Variants in ZNF26 observed in about 807,000 individuals in gnomAD.
ZNF26 encodes the protein epididymis luminal protein 179.
ZNF26 carries 32 observed loss-of-function variants against 54.9 expected under a neutral mutation model. That is an observed-to-expected ratio of 0.58 (90% confidence interval 0.44 to 0.78). The LOEUF (loss-of-function observed/expected upper bound fraction) is 0.78, where lower values mean the gene tolerates loss of function less well. Among genes scored for constraint, ZNF26 ranks in the 30% least tolerant of loss-of-function variants. The pLI, the probability that ZNF26 is intolerant of heterozygous loss-of-function variation, is 0.00. For synonymous variants in ZNF26, 221 were observed against 209.2 expected, an observed-to-expected ratio of 1.06 and a Z score of -0.49; for missense variants, 524 against 634.0, an observed-to-expected ratio of 0.83 and a Z score of 1.86.
chr12:132,992,880 C>A (rs1952993695), intron 1 of ZNF26, among the ~76,000 whole-genome samples: 1 of 149,230 alleles, frequency 6.7e-6, no homozygotes, highest in Non-Finnish European at 1.5e-5. Context: ...TTTTTTTTTT[C>A]CCCAGTGTTC....
chr12:132,988,967 A>G (rs999725908), intron 1 of ZNF26, among the ~76,000 whole-genome samples: 19 of 147,012 alleles, frequency 1.3e-4, no homozygotes, highest in South Asian at 2.2e-4. Flanking sequence ...TGACTTTTGT[A>G]TATTAACTTT....
In ZNF26 at chr12:133,001,786, C is replaced by G. The variant is rs2137239108; in HGVS notation, c.34-5256C>G. 9.4e-7 allele frequency: 1 copy of G among 1,068,750 alleles called. No homozygotes were observed. Among genetic ancestry groups the G allele is most frequent in the East Asian group, 5.9e-5 (1 of 16,960 alleles). 66.2% of individuals were successfully genotyped at this position (1,068,750 alleles called of 1,614,324 possible). A position where few individuals can be genotyped will look rare whatever the true frequency, so the allele number is the denominator to read the frequency against. On this transcript the variant is annotated intron_variant, in intron 1 of 3. Coordinates refer to ENST00000328654, the MANE Select transcript of ZNF26 (RefSeq NM_019591.4). This position sits in a 1 kb window ranked among gnomAD's most constrained non-coding sequence, Gnocchi z 4.7. Reference sequence around the variant, plus strand: ...GAGGTGAGCTGCTGAACCCTCACTCCCCAGCTGCCTTTTGAGAGTCCCGCG... The same window carrying G: ...GAGGTGAGCTGCTGAACCCTCACTCGCCAGCTGCCTTTTGAGAGTCCCGCG...
At chr12:132,997,549 C>T (rs1953114378) in intron 1 of ZNF26, among the ~76,000 whole-genome samples, 1 of 152,194 alleles carries the variant, frequency 6.6e-6, no homozygotes, top group Non-Finnish European at 1.5e-5. Context: ...CCCAGTCCAG[C>T]TTTTCTATCT....
Position 132,986,652 on chromosome 12 carries a change from C to G in ZNF26, c.-189C>G, listed in dbSNP as rs1593624193. ...CCTGGTACCCAGACCGGGAGGTTGTCTAGTCACGCGCGGTCTGTGTTGGGC... is the reference window on the plus strand; with the variant it reads ...CCTGGTACCCAGACCGGGAGGTTGTGTAGTCACGCGCGGTCTGTGTTGGGC... On this transcript the variant is annotated 5_prime_UTR_variant, in exon 1 of 4. Coordinates refer to ENST00000328654, the MANE Select transcript of ZNF26 (RefSeq NM_019591.4). The G allele has an allele frequency of 3.3e-6, 2 of 609,032 alleles. No individual in the cohort carries two copies. Among genetic ancestry groups the G allele is most frequent in the East Asian group, 5.5e-5 (2 of 36,184 alleles). The allele number at this position is 609,032 out of a possible 1,614,324, so 37.7% of individuals were successfully genotyped here. A position where few individuals can be genotyped will look rare whatever the true frequency, so the allele number is the denominator to read the frequency against.
chr12:133,011,159 A>T lies in ZNF26; in HGVS notation c.1280A>T (p.Glu427Val). ...ACACACACCGGAGAGAGACCCTATG[A>T]ATGTAGTTTGTGTGAGAGAGCCTTT... is the stretch of plus-strand genomic sequence containing the variant. ...RRTHTGERPY[E>V]CSLCERAFCG... Residue 427 changes from glutamate (E) to valine (V), a missense_variant, in exon 4 of 4, where the codon GAA becomes GTA. By Grantham distance (121) the Glu-to-Val change is moderately radical. Coordinates refer to ENST00000328654, the MANE Select transcript of ZNF26 (RefSeq NM_019591.4). 1 of 1,614,134 alleles carries T rather than the reference A, an allele frequency of 6.2e-7. No individual in the cohort carries two copies. The highest frequency in any genetic ancestry group is 1.1e-5 in the South Asian group (1 of 91,072).
At chr12:132,997,235 G>A (rs1425184071) in intron 1 of ZNF26, among the ~76,000 whole-genome samples, 43 of 152,120 alleles carry the variant, frequency 2.8e-4, no homozygotes, top group Admixed American at 2.8e-3. Flanking sequence ...CTTCCAAGAT[G>A]GAGTCCAGAA....
At chr12:132,994,979 G>A (rs983126290) in intron 1 of ZNF26, among the ~76,000 whole-genome samples, 9 of 151,840 alleles carry the variant, frequency 5.9e-5, no homozygotes, top group African/African-American at 1.9e-4. Context: ...AAATGCCCCC[G>A]GGGGGGCAAA....
At position 133,011,299 on chromosome 12, in the gene ZNF26, A is replaced by G; in HGVS notation, c.1420A>G (p.Lys474Glu). ...PRKASLQIHQKTHSGEKPFKC... is the reference protein window; with the variant it reads ...PRKASLQIHQETHSGEKPFKC... ...GAAGGCATCACTTCAGATACACCAG[A>G]AAACTCATTCGGGAGAGAAACCTTT... The change falls in exon 4 of 4, where the codon AAA becomes GAA. Residue 474 changes from lysine to glutamate, a missense_variant. Physicochemically the swap from Lys to Glu is moderately conservative, Grantham distance 56. Transcript: ENST00000328654. 6.2e-7 allele frequency: 1 copy of G among 1,614,020 alleles called. No individual in the cohort carries two copies. The highest frequency in any genetic ancestry group is 8.5e-7 in the Non-Finnish European group (1 of 1,179,948).
intron 1 of ZNF26, chr12:133,004,529 A>G (rs1024327022): frequency 6.6e-6 from 1 of 151,916 alleles, no homozygotes; most frequent in Non-Finnish European, 1.5e-5. Context: ...TCTGTTGCCC[A>G]GTGTAAAGTG....
chr12:132,997,568 C>G (rs1243531505), intron 1 of ZNF26, among the ~76,000 whole-genome samples: 1 of 152,208 alleles, frequency 6.6e-6, no homozygotes, highest in Non-Finnish European at 1.5e-5. Context: ...CTTATGCGCC[C>G]TCCCCTGAAC....
rs1953629319 is a variant in ZNF26 at position 133,020,735 on chromosome 12, A to G, written c.*9254A>G. 6.6e-6 allele frequency: 1 copy of G among 152,212 alleles called. No homozygotes were observed. Among genetic ancestry groups the G allele is most frequent in the Admixed American group, 6.5e-5 (1 of 15,276 alleles). 9.4% of individuals were successfully genotyped at this position (152,212 alleles called of 1,614,324 possible). ...ATTGTCTTACTGTTCTGGAGCCTCC[A>G]TGTTTGAAATCAAGGCATTGACAGG... On this transcript the variant is annotated 3_prime_UTR_variant, in exon 4 of 4. Coordinates refer to ENST00000328654, the MANE Select transcript of ZNF26 (RefSeq NM_019591.4).
chr12:133,010,037 A>G, intron 3 of ZNF26, 99 bp from the exon 4 acceptor site: 1 of 1,283,270 alleles, frequency 7.8e-7, no homozygotes, highest in Non-Finnish European at 1.0e-6. Context: ...TTGTTACCAA[A>G]AGAGAAAGGT....
In ZNF26 at chr12:133,018,668, G is replaced by T. The variant is rs1403668404; in HGVS notation, c.*7187G>T. On this transcript the variant is annotated 3_prime_UTR_variant, in exon 4 of 4. Transcript: ENST00000328654. ...TCAATAATAACTTTTTTTTAAGAGG[G>T]TCTTGCTCTATTGCCCAGGCTGGAG... 6.6e-6 allele frequency: 1 copy of T among 152,020 alleles called. No individual in the cohort carries two copies. The highest frequency in any genetic ancestry group is 1.5e-5 in the Non-Finnish European group (1 of 68,016). The allele number at this position is 152,020 out of a possible 1,614,324, so 9.4% of individuals were successfully genotyped here.
chr12:133,004,370 A>T (rs2137245396), intron 1 of ZNF26: 1 of 152,294 alleles, frequency 6.6e-6, no homozygotes, highest in East Asian at 1.9e-4. Flanking sequence ...AGCTGATTAT[A>T]ATTTTAGTTC....
At chr12:133,000,903 A>C (rs1953204056) in intron 1 of ZNF26, among the ~76,000 whole-genome samples, 1 of 152,194 alleles carries the variant, frequency 6.6e-6, no homozygotes, top group Non-Finnish European at 1.5e-5. Context: ...AAAGGCTTTA[A>C]ATAAAATAGA....
intron 1 of ZNF26, among the ~76,000 whole-genome samples, chr12:132,992,160 G>A (rs1451661385): frequency 6.6e-6 from 1 of 151,612 alleles, no homozygotes; most frequent in Admixed American, 6.6e-5. Context: ...AAAAAAAAAA[G>A]TGTATCTGTG....
chr12:133,022,487 G>GTA lies in ZNF26; in HGVS notation c.*11009_*11010dup, dbSNP rs1953657688. On this transcript the variant is annotated 3_prime_UTR_variant, in exon 4 of 4. Transcript: ENST00000328654. ...AGAACTTAATATACACACATACAAA[G>GTA]TATAAGTAAAACTGGGGAAATGTTA... 1 of 116,032 alleles carries GTA rather than the reference G, an allele frequency of 8.6e-6. No homozygotes were observed. The highest frequency in any genetic ancestry group is 1.9e-5 in the Non-Finnish European group (1 of 52,984). 7.2% of individuals were successfully genotyped at this position (116,032 alleles called of 1,614,324 possible).
At position 133,020,394 on chromosome 12, in the gene ZNF26, G is replaced by C. The variant is rs1593679568; in HGVS notation, c.*8913G>C. 1 of 151,668 alleles carries C rather than the reference G, an allele frequency of 6.6e-6. No homozygotes were observed. The highest frequency in any genetic ancestry group is 2.4e-5 in the African/African-American group (1 of 41,278). The allele number at this position is 151,668 out of a possible 1,614,324, so 9.4% of individuals were successfully genotyped here. A position where few individuals can be genotyped will look rare whatever the true frequency, so the allele number is the denominator to read the frequency against. On this transcript the variant is annotated 3_prime_UTR_variant, in exon 4 of 4. Coordinates refer to ENST00000328654, the MANE Select transcript of ZNF26 (RefSeq NM_019591.4). ...AAGGATGAAGGGGAAAAATATGAAT[G>C]TATCTATTATTGCTGAACTGTACAC...
Position 133,006,134 on chromosome 12 carries a change from C to T in ZNF26, c.34-908C>T, listed in dbSNP as rs898306928. 4 of 985,248 alleles carry T rather than the reference C, an allele frequency of 4.1e-6. No homozygotes were observed. The African/African-American group carries it at 7.0e-5, about 17-fold the overall frequency. The allele number at this position is 985,248 out of a possible 1,614,324, so 61.0% of individuals were successfully genotyped here. Reference sequence around the variant, plus strand: ...CTGCTGTTCCCTCCCAGCCCCCACTCTTTGCTGTTGCTTAGAATGCAGATG... The same window carrying T: ...CTGCTGTTCCCTCCCAGCCCCCACTTTTTGCTGTTGCTTAGAATGCAGATG... On this transcript the variant is annotated intron_variant, in intron 1 of 3. Transcript: ENST00000328654.
Sources: allele counts gnomAD v4.1 joint callset (sites outside exome capture counted in the v4.1 genomes callset), GRCh38; gene constraint gnomAD v4.1.1; non-coding constraint Gnocchi (gnomAD v3.1); transcripts MANE v1.5; gene names NCBI Gene and HGNC (gene_info 2026-07-23, HGNC 2026-07-21).